The following FOXP2 variants were observed in gnomAD, a reference collection of about 807,000 sequenced individuals.
FOXP2 encodes the protein forkhead box protein P2.
Under a neutral mutation model 115.8 loss-of-function variants are expected in FOXP2, and 12 were observed. That is an observed-to-expected ratio of 0.10 (90% CI 0.07 to 0.17). The LOEUF (loss-of-function observed/expected upper bound fraction) is 0.17, where lower values mean the gene tolerates loss of function less well. FOXP2 is among the 10% of genes least tolerant of loss of function. The probability of loss-of-function intolerance (pLI) is 1.00; values close to 1 mark genes in which losing one functional copy is unlikely to be tolerated. For missense variants in FOXP2, 629 were observed against 843.5 expected (o/e 0.75, Z 3.15); for synonymous variants, 328 against 297.7 (o/e 1.10, Z -1.05).
intron 1 of FOXP2, among the ~76,000 whole-genome samples, chr7:114,122,251 G>T (rs1791585681): frequency 6.6e-6 from 1 of 152,082 alleles, no homozygotes; most frequent in African/African-American, 2.4e-5. Context: ...TGTTTGAACA[G>T]AATGCAGTTG....
intron 1 of FOXP2, among the ~76,000 whole-genome samples, chr7:114,268,920 A>G (rs530284389): frequency 6.6e-6 from 1 of 152,194 alleles, no homozygotes. Flanking sequence ...GATCAATTAC[A>G]TATTAAATAA....
chr7:114,336,913 G>A (rs2129183773), intron 2 of FOXP2, among the ~76,000 whole-genome samples: 1 of 151,472 alleles, frequency 6.6e-6, no homozygotes, highest in Admixed American at 6.6e-5. Context: ...CACACAAAAG[G>A]AATTCAGTGA....
intron 3 of FOXP2, among the ~76,000 whole-genome samples, chr7:114,575,450 A>G (rs1183866977): frequency 6.6e-6 from 1 of 151,872 alleles, no homozygotes; most frequent in African/African-American, 2.4e-5. Flanking sequence ...GGTCACGGCC[A>G]AGACAGATGG....
At chr7:114,668,033 T>A (rs1384766538) in intron 16 of FOXP2, 1 of 152,090 alleles carries the variant, frequency 6.6e-6, no homozygotes, top group Non-Finnish European at 1.5e-5. Flanking sequence ...ATAGCCACTT[T>A]AAAAGTCTGC....
chr7:114,214,029 A>G (rs73439569), intron 1 of FOXP2, among the ~76,000 whole-genome samples: 4,301 of 152,320 alleles, frequency 0.028, 223 homozygotes, highest in African/African-American at 0.097. Flanking sequence ...TGTAGGATAC[A>G]CTTATTTATT....
At chr7:114,189,213 A>G (rs1364620250) in intron 1 of FOXP2, among the ~76,000 whole-genome samples, 2 of 152,196 alleles carry the variant, frequency 1.3e-5, no homozygotes, top group East Asian at 1.9e-4. Flanking sequence ...TATCCAATTC[A>G]TGTACATAGA....
chr7:114,557,213 A>G (rs988424681), intron 3 of FOXP2, among the ~76,000 whole-genome samples: 8 of 152,202 alleles, frequency 5.3e-5, no homozygotes, highest in African/African-American at 1.7e-4. Context: ...TGAAATATTC[A>G]GAATATAGAC....
chr7:114,278,605 C>T (rs564225839), intron 1 of FOXP2, among the ~76,000 whole-genome samples: 65 of 152,240 alleles, frequency 4.3e-4, no homozygotes, highest in African/African-American at 1.4e-3. Context: ...CCACCCACCT[C>T]GGCTTCCCAA....
intron 16 of FOXP2, among the ~76,000 whole-genome samples, chr7:114,675,900 T>TTTA (rs575552175): frequency 1.2e-3 from 182 of 150,248 alleles, no homozygotes; most frequent in African/African-American, 2.4e-3. Context: ...TTTATTTTAT[T>TTTA]TTATTATTAT....
intron 3 of FOXP2, among the ~76,000 whole-genome samples, chr7:114,574,108 G>A (rs1324986924): frequency 4.0e-5 from 6 of 151,744 alleles, no homozygotes; most frequent in Admixed American, 3.3e-4. Flanking sequence ...TATATTTAAT[G>A]TGCCTCTATC....
At chr7:114,368,308 C>T (rs1040372411) in intron 2 of FOXP2, among the ~76,000 whole-genome samples, 5 of 152,006 alleles carry the variant, frequency 3.3e-5, no homozygotes, top group African/African-American at 4.8e-5. Flanking sequence ...ATTTTAAAAT[C>T]CCCTGATTGA....
chr7:114,354,420 C>G (rs140464803), intron 2 of FOXP2, among the ~76,000 whole-genome samples: 4 of 152,104 alleles, frequency 2.6e-5, no homozygotes, highest in African/African-American at 9.7e-5. Flanking sequence ...ATATCTATAT[C>G]TGTCCTATTG....
intron 2 of FOXP2, among the ~76,000 whole-genome samples, chr7:114,395,599 T>C (rs1792717481): frequency 6.6e-6 from 1 of 152,134 alleles, no homozygotes; most frequent in African/African-American, 2.4e-5. Flanking sequence ...TACTTTTATA[T>C]ACATTTAAGA....
intron 3 of FOXP2, among the ~76,000 whole-genome samples, chr7:114,568,970 G>T (rs1310713906): frequency 6.6e-6 from 1 of 151,780 alleles, no homozygotes; most frequent in African/African-American, 2.4e-5. Context: ...TTTAACATAG[G>T]TGCTTGTGAA....
At chr7:114,481,293 A>G (rs974450080) in intron 2 of FOXP2, among the ~76,000 whole-genome samples, 3 of 151,202 alleles carry the variant, frequency 2.0e-5, no homozygotes, top group African/African-American at 7.3e-5. Flanking sequence ...AGTTATTATA[A>G]ATAATTATAT....
intron 3 of FOXP2, among the ~76,000 whole-genome samples, chr7:114,623,225 T>G (rs1804347883): frequency 6.6e-6 from 1 of 151,998 alleles, no homozygotes; most frequent in Admixed American, 6.6e-5. Flanking sequence ...TTCTTTCCAA[T>G]GATTTTAGGA....
chr7:114,117,457 A>AG (rs1299550326), intron 1 of FOXP2, among the ~76,000 whole-genome samples: 1 of 152,020 alleles, frequency 6.6e-6, no homozygotes, highest in African/African-American at 2.4e-5. Context: ...CCTGACCTCA[A>AG]GTGATTCACT....
At chr7:114,554,147 T>A (rs966650118) in intron 3 of FOXP2, among the ~76,000 whole-genome samples, 1 of 152,054 alleles carries the variant, frequency 6.6e-6, no homozygotes, top group African/African-American at 2.4e-5. Context: ...CTTCTAAAAA[T>A]TTTTACCATT....
rs148824403 is a variant in FOXP2 at position 114,472,457 on chromosome 7, T to C, written c.168+45778T>C. ...GCCTTCCAGGTTTAAGTGATTCTCCTGTCTCAGCCTCCTGAGTAGCTGGGA... is the reference window on the plus strand; with the variant it reads ...GCCTTCCAGGTTTAAGTGATTCTCCCGTCTCAGCCTCCTGAGTAGCTGGGA... On this transcript the variant is annotated intron_variant, in intron 2 of 16. Coordinates refer to ENST00000350908, the MANE Select transcript of FOXP2 (RefSeq NM_014491.4). Among the ~76,000 whole-genome samples, 1,086 of 151,900 alleles carry C rather than the reference T, an allele frequency of 7.1e-3. 13 individuals carry two copies. Among genetic ancestry groups the C allele is most frequent in the African/African-American group, 0.025 (1,018 of 41,418 alleles).
Sources: allele counts gnomAD v4.1 joint callset (sites outside exome capture counted in the v4.1 genomes callset), GRCh38; gene constraint gnomAD v4.1.1; transcripts MANE v1.5; gene names NCBI Gene and HGNC (gene_info 2026-07-23, HGNC 2026-07-21).